Variants in SPTBN5 observed in about 807,000 individuals in gnomAD.
SPTBN5 encodes the protein spectrin beta chain, non-erythrocytic 5.
A neutral mutation model predicts 477.6 loss-of-function variants in SPTBN5; 513 were observed. That is an observed-to-expected ratio of 1.07 (90% confidence interval 1.00 to 1.16). The LOEUF (loss-of-function observed/expected upper bound fraction) is 1.16, where lower values mean the gene tolerates loss of function less well. Among genes scored for constraint, SPTBN5 ranks in the 50% most tolerant of loss-of-function variants. The pLI, the probability that SPTBN5 is intolerant of heterozygous loss-of-function variation, is 0.00. For missense variants in SPTBN5, 5,062 were observed against 4,731.8 expected, an observed-to-expected ratio of 1.07 and a Z score of -2.05; for synonymous variants, 2,169 against 2,011.7, an observed-to-expected ratio of 1.08 and a Z score of -2.09.
At chr15:41,854,298 G>A in intron 56 of SPTBN5, 93 bp from the exon 57 acceptor site, 1 of 1,420,500 alleles carries the variant, frequency 7.0e-7, no homozygotes. Context: ...ACCTCCTTTT[G>A]AACAAGGAGG....
intron 60 of SPTBN5, 43 bp downstream of exon 60, chr15:41,852,779 GGC>G (rs780569822): frequency 2.8e-5 from 45 of 1,602,926 alleles, no homozygotes; most frequent in African/African-American, 6.8e-5. Context: ...TGGGGGGGGG[GGC>G]CCAGAGCCTG....
At position 41,852,764 on chromosome 15, in the gene SPTBN5, C is replaced by T. The variant is rs530024446; in HGVS notation, c.10348-29G>A. On this transcript the variant is annotated intron_variant, in intron 60 of 67. Transcript: ENST00000320955. The stretch of plus-strand genomic sequence containing the variant: ...GGGAGAAGCATGTTCAGGTGACGCC[C>T]AGCTTGGGGGGGGGGGCCCAGAGCC... 1.4e-5 allele frequency: 21 copies of T among 1,541,592 alleles called. No homozygotes were observed. The East Asian group carries it at 3.8e-4, about 28-fold the overall frequency.
chr15:41,872,034 C>T (rs900684114), intron 27 of SPTBN5, 117 bp from the exon 28 acceptor site: 1 of 1,324,232 alleles, frequency 7.6e-7, no homozygotes, highest in Non-Finnish European at 1.0e-6. Flanking sequence ...CTGTCCAAGC[C>T]TGCGGCTCAC....
intron 41 of SPTBN5, 32 bp downstream of exon 41, chr15:41,863,672 A>G: frequency 6.4e-7 from 1 of 1,572,532 alleles, no homozygotes; most frequent in Non-Finnish European, 8.7e-7. Context: ...ATTTGCTCAC[A>G]GCCCCCACCG....
In SPTBN5 at chr15:41,873,600, C is replaced by T. The variant is rs967118791; in HGVS notation, c.4899G>A (p.Leu1633=). 6.4e-7 allele frequency: 1 copy of T among 1,551,660 alleles called. No individual in the cohort carries two copies. Among genetic ancestry groups the T allele is most frequent in the Non-Finnish European group, 8.7e-7 (1 of 1,147,208 alleles). The change falls in exon 26 of 68, where the codon CTG becomes CTA. Residue 1633 remains leucine (L), a synonymous_variant. Transcript: ENST00000320955. ...QQAVTFQQYF[L]DVSELEGWVE... ...CCCAGCCCTCCAGCTCTGACACATC[C>T]AGAAAGTACTGCCAAGAGTGGGGCC...
At chr15:41,872,575 C>T in intron 26 of SPTBN5, 116 bp from the exon 27 acceptor site, 2 of 1,102,626 alleles carry the variant, frequency 1.8e-6, no homozygotes, top group Non-Finnish European at 2.6e-6. Flanking sequence ...CTCACACGCC[C>T]ATCCATCTAC....
In SPTBN5 at chr15:41,858,061, C is replaced by CT. The variant is rs527622154; in HGVS notation, c.8227-352dup. Among the ~76,000 whole-genome samples, 55 of 152,320 alleles carry CT rather than the reference C, an allele frequency of 3.6e-4. No individual in the cohort carries two copies. In the East Asian group the frequency reaches 0.01, roughly 29 times the overall value. On this transcript the variant is annotated intron_variant, in intron 49 of 67. Transcript: ENST00000320955. Reference sequence around the variant, plus strand: ...CCTGTAATCCCAGCACTTTGGGAGGCTGAGGCAGGTGGATCGCCTGAGCTC... The same window carrying CT: ...CCTGTAATCCCAGCACTTTGGGAGGCTTGAGGCAGGTGGATCGCCTGAGCTC...
At position 41,876,176 on chromosome 15, in the gene SPTBN5, G is replaced by A. The variant is rs188980142; in HGVS notation, c.4060C>T (p.Arg1354Trp). ...AGCTCGCTCTCAGCTGCTTCGTGCC[G>A]CTTGAGTGTCTGCAGGATGTTTCTG... ...ARRNILQTLK[R>W]HEAAESELLA... is the part of the protein sequence containing the mutation. The change falls in exon 21 of 68, where the codon CGG becomes TGG. Residue 1354 changes from arginine to tryptophan, a missense_variant. Arg to Trp is a moderately radical substitution (Grantham distance 101, BLOSUM62 -3). Transcript: ENST00000320955. The A allele has an allele frequency of 5.0e-5, 80 of 1,605,872 alleles. No homozygotes were observed. The highest frequency in any genetic ancestry group is 6.4e-5 in the Non-Finnish European group (76 of 1,179,704).
At position 41,848,646 on chromosome 15, in the gene SPTBN5, T is replaced by A. The variant is rs761641786; in HGVS notation, c.11013-18A>T. 6.2e-7 allele frequency: 1 copy of A among 1,613,738 alleles called. No individual in the cohort carries two copies. The highest frequency in any genetic ancestry group is 1.7e-5 in the Admixed American group (1 of 60,012). ...GATCAGACCTGTTGGGAAAACGGAA[T>A]GAATTTAGTAGGGTATGGCCACCCC... On this transcript the variant is annotated intron_variant, in intron 67 of 67. Transcript: ENST00000320955.
chr15:41,853,060 C>T (rs2065825556), intron 59 of SPTBN5, 60 bp from the exon 60 acceptor site: 2 of 1,460,178 alleles, frequency 1.4e-6, no homozygotes, highest in South Asian at 2.9e-5. Flanking sequence ...ATGGGCAGGG[C>T]AGGGCTGGAG....
In SPTBN5 at chr15:41,848,654, G is replaced by A. The variant is rs765283742; in HGVS notation, c.11013-26C>T. On this transcript the variant is annotated intron_variant, in intron 67 of 67. Transcript: ENST00000320955. ...CTGTTGGGAAAACGGAATGAATTTA[G>A]TAGGGTATGGCCACCCCAGAATCTT... 10 of 1,613,686 alleles carry A rather than the reference G, an allele frequency of 6.2e-6. No individual in the cohort carries two copies. The East Asian group carries it at 1.8e-4, about 29-fold the overall frequency.
intron 29 of SPTBN5, 69 bp from the exon 30 acceptor site, chr15:41,870,629 G>T: frequency 7.5e-7 from 1 of 1,326,562 alleles, no homozygotes; most frequent in Non-Finnish European, 1.1e-6. Context: ...CCTCCCGCTA[G>T]GTCTGGTCAG....
intron 7 of SPTBN5, 25 bp downstream of exon 7, chr15:41,885,710 G>A: frequency 3.9e-6 from 6 of 1,542,312 alleles, no homozygotes; most frequent in Non-Finnish European, 5.2e-6. Context: ...CCAGCTGTGG[G>A]GAGAGTTCAT....
rs1203170716 is a variant in SPTBN5, at chr15:41,857,599, CCTT to C, written c.8335_8337del (p.Lys2779del). 3 of 1,608,920 alleles carry C rather than the reference CCTT, an allele frequency of 1.9e-6. No homozygotes were observed. The highest frequency in any genetic ancestry group is 2.5e-6 in the Non-Finnish European group (3 of 1,177,894). On this transcript the variant is annotated inframe_deletion, in exon 50 of 68. Coordinates refer to ENST00000320955, the MANE Select transcript of SPTBN5 (RefSeq NM_016642.4). ...TCACAGGCCTTCTGGAGCTTGGCCACCTTCTTCTGGGAGTTGTCTTGCAGCTCA... is the reference window on the plus strand; with the variant it reads ...TCACAGGCCTTCTGGAGCTTGGCCACCTTCTGGGAGTTGTCTTGCAGCTCA...
chr15:41,851,071 G>A lies in SPTBN5; in HGVS notation c.10823C>T (p.Thr3608Ile), dbSNP rs772545719. Reference sequence around the variant, plus strand: ...TCTCTCCGCTCACCTTAAGGAGAATGTGTGTTTCCTGCCGTGGCGGCCCCG... The same window carrying A: ...TCTCTCCGCTCACCTTAAGGAGAATATGTGTTTCCTGCCGTGGCGGCCCCG... ...RLRGRHGRKHTFSLRLTSGAE... is the reference protein window; with the variant it reads ...RLRGRHGRKHIFSLRLTSGAE... The change falls in exon 65 of 68, where the codon ACA (threonine) becomes ATA (isoleucine). Residue 3608 changes from threonine (T) to isoleucine (I), a missense_variant. Transcript: ENST00000320955. The A allele has an allele frequency of 3.1e-6, 5 of 1,612,198 alleles. No individual in the cohort carries two copies. The highest frequency in any genetic ancestry group is 4.2e-6 in the Non-Finnish European group (5 of 1,179,534).
In SPTBN5 at chr15:41,862,921, C is replaced by T; in HGVS notation, c.7150-18G>A. 6.4e-7 allele frequency: 1 copy of T among 1,556,628 alleles called. No individual in the cohort carries two copies. The highest frequency in any genetic ancestry group is 8.7e-7 in the Non-Finnish European group (1 of 1,150,816). ...AGGGCTTCCTGGAGGAGGGGCACGG[C>T]CAGTTACCTGCTGGGCCTTTGCTTC... On this transcript the variant is annotated intron_variant, in intron 41 of 67. Coordinates refer to ENST00000320955, the MANE Select transcript of SPTBN5 (RefSeq NM_016642.4).
At chr15:41,887,108 G>T in intron 6 of SPTBN5, 105 bp downstream of exon 6, 1 of 1,029,530 alleles carries the variant, frequency 9.7e-7, no homozygotes, top group Non-Finnish European at 1.5e-6. Flanking sequence ...GAAGTTGGGT[G>T]ACTTGGCCAA....
rs758781971 is a variant in SPTBN5 at position 41,854,115 on chromosome 15, C to A, written c.9709G>T (p.Gly3237Trp). ...RMQEKTALMKGEDGGHSLSSV... is the reference protein window; with the variant it reads ...RMQEKTALMKWEDGGHSLSSV... The stretch of plus-strand genomic sequence containing the variant: ...GACAGGCTGTGGCCTCCGTCCTCCC[C>A]CTTCATCAGGGCCGTCTTCTCCTGC... The change falls in exon 57 of 68, where the codon GGG becomes TGG. Residue 3237 changes from glycine (G) to tryptophan (W), a missense_variant. Gly to Trp is a radical substitution (Grantham distance 184). Transcript: ENST00000320955. 1 of 1,588,552 alleles carries A rather than the reference C, an allele frequency of 6.3e-7. No individual in the cohort carries two copies. The highest frequency in any genetic ancestry group is 1.2e-5 in the South Asian group (1 of 86,934).
At chr15:41,862,085 C>T (rs750205468) in intron 44 of SPTBN5, 45 bp downstream of exon 44, 34 of 1,398,624 alleles carry the variant, frequency 2.4e-5, no homozygotes, top group East Asian at 9.9e-5. Flanking sequence ...GAGGGCAGGG[C>T]GGAGCTGAGA....
Sources: allele counts gnomAD v4.1 joint callset (sites outside exome capture counted in the v4.1 genomes callset), GRCh38; gene constraint gnomAD v4.1.1; transcripts MANE v1.5; gene names NCBI Gene and HGNC (gene_info 2026-07-23, HGNC 2026-07-21).